Variants in DAB2IP observed in about 807,000 individuals in gnomAD.
DAB2IP encodes the protein disabled homolog 2-interacting protein.
Under a neutral mutation model 107.2 loss-of-function variants are expected in DAB2IP, and 28 were observed. That is an observed-to-expected ratio of 0.26 (90% CI 0.19 to 0.36). The LOEUF (loss-of-function observed/expected upper bound fraction) is 0.36, where lower values mean the gene tolerates loss of function less well. DAB2IP is among the 10% of genes least tolerant of loss of function. The pLI, the probability that DAB2IP is intolerant of heterozygous loss-of-function variation, is 1.00. For synonymous variants in DAB2IP, 755 were observed against 706.4 expected (o/e 1.07, Z -1.09); for missense variants, 1,400 against 1,644.7 (o/e 0.85, Z 2.57).
At chr9:121,571,024 C>T (rs141304152) in intron 1 of DAB2IP, among the ~76,000 whole-genome samples, 12 of 152,162 alleles carry the variant, frequency 7.9e-5, no homozygotes, top group African/African-American at 2.4e-4. Context: ...TTCCCGCCAT[C>T]AGATCTGACC....
At chr9:121,743,509 C>T (rs1225190777) in intron 3 of DAB2IP, among the ~76,000 whole-genome samples, 1 of 151,996 alleles carries the variant, frequency 6.6e-6, no homozygotes, top group African/African-American at 2.4e-5. Flanking sequence ...CCAAGTAGGA[C>T]ACTGGCCCTT....
At chr9:121,573,745 T>G (rs1830001100) in intron 1 of DAB2IP, among the ~76,000 whole-genome samples, 2 of 152,124 alleles carry the variant, frequency 1.3e-5, no homozygotes, top group Non-Finnish European at 1.5e-5. Flanking sequence ...ATTTTCCAGA[T>G]GAGAAAATTG....
At chr9:121,777,554 ACTTG>A (rs1459654599) in intron 14 of DAB2IP, among the ~76,000 whole-genome samples, 1 of 152,218 alleles carries the variant, frequency 6.6e-6, no homozygotes, top group Admixed American at 6.5e-5. Context: ...GAATTCAGAG[ACTTG>A]CTTAACACGT....
intron 6 of DAB2IP, among the ~76,000 whole-genome samples, chr9:121,762,492 T>A (rs1833967874): frequency 6.6e-6 from 1 of 152,176 alleles, no homozygotes; most frequent in African/African-American, 2.4e-5. Context: ...AATGACAGCT[T>A]CCCCTTTGCC....
intron 3 of DAB2IP, among the ~76,000 whole-genome samples, chr9:121,706,626 C>T (rs1830070225): frequency 6.6e-6 from 1 of 152,190 alleles, no homozygotes; most frequent in Admixed American, 6.5e-5. Flanking sequence ...ATTGTACCTG[C>T]CCACCTACCT....
At chr9:121,774,594 G>C (rs1050514998) in intron 13 of DAB2IP, among the ~76,000 whole-genome samples, 182 bp downstream of exon 13, 1 of 152,204 alleles carries the variant, frequency 6.6e-6, no homozygotes, top group Non-Finnish European at 1.5e-5. Context: ...AAAGCAACAA[G>C]AGGGATGGAT....
chr9:121,570,625 T>C (rs115167707), intron 1 of DAB2IP, among the ~76,000 whole-genome samples: 1 of 152,312 alleles, frequency 6.6e-6, no homozygotes, highest in African/African-American at 2.4e-5. Context: ...CACAGCTTAC[T>C]GCAGCTTCGA....
intron 1 of DAB2IP, among the ~76,000 whole-genome samples, chr9:121,645,455 G>A (rs893925083): frequency 2.6e-5 from 4 of 152,188 alleles, no homozygotes; most frequent in Non-Finnish European, 1.5e-5. Flanking sequence ...CCAGGCTCTC[G>A]ACGGAGAGAG....
chr9:121,651,612 G>A lies in DAB2IP; in HGVS notation c.-164G>A. The A allele has an allele frequency of 2.0e-6, 2 of 1,023,914 alleles. No homozygotes were observed. The highest frequency in any genetic ancestry group is 1.7e-5 in the African/African-American group (1 of 58,348). The allele number at this position is 1,023,914 out of a possible 1,614,324, so 63.4% of individuals were successfully genotyped here. On this transcript the variant is annotated 5_prime_UTR_variant, in exon 1 of 16. Coordinates refer to ENST00000408936, the Ensembl canonical transcript of DAB2IP. This position sits in a 1 kb window ranked among gnomAD's most constrained non-coding sequence, Gnocchi z 5.1. ...CTGCTCGGGGAGCGGGAGGGGGCAG[G>A]AGGCGGAGGAGGAGTTTGAGCGACT...
intron 3 of DAB2IP, among the ~76,000 whole-genome samples, chr9:121,706,124 G>A (rs1381458909): frequency 6.6e-6 from 1 of 152,178 alleles, no homozygotes; most frequent in East Asian, 1.9e-4. Context: ...CCCCTTGCAC[G>A]AAGAACCTCT....
chr9:121,577,635 G>C (rs1589371950), intron 1 of DAB2IP, among the ~76,000 whole-genome samples: 1 of 152,108 alleles, frequency 6.6e-6, no homozygotes, highest in African/African-American at 2.4e-5. Context: ...ATGGCTGGGG[G>C]TGGCTGTCCC....
At chr9:121,653,795 A>G (rs1832861519) in intron 1 of DAB2IP, among the ~76,000 whole-genome samples, 1 of 152,046 alleles carries the variant, frequency 6.6e-6, no homozygotes, top group Non-Finnish European at 1.5e-5. Flanking sequence ...AGGGGCTGTC[A>G]CCTGAGCCCC....
At chr9:121,582,125 C>T (rs1830208118) in intron 1 of DAB2IP, among the ~76,000 whole-genome samples, 1 of 152,168 alleles carries the variant, frequency 6.6e-6, no homozygotes, top group African/African-American at 2.4e-5. Context: ...AGCCCGGATT[C>T]AGATAGAAAG....
intron 1 of DAB2IP, among the ~76,000 whole-genome samples, chr9:121,641,389 C>G (rs749330739): frequency 6.6e-6 from 1 of 152,184 alleles, no homozygotes; most frequent in Non-Finnish European, 1.5e-5. Context: ...AGAACCGTGG[C>G]TCTGGCAGTG....
At chr9:121,753,582 C>T (rs1322974771) in intron 3 of DAB2IP, among the ~76,000 whole-genome samples, 1 of 152,218 alleles carries the variant, frequency 6.6e-6, no homozygotes, top group Non-Finnish European at 1.5e-5. Context: ...CCCATCCCAG[C>T]AGGGGGCCTT....
chr9:121,571,423 C>T (rs1829938219), intron 1 of DAB2IP, among the ~76,000 whole-genome samples: 1 of 152,102 alleles, frequency 6.6e-6, no homozygotes, highest in African/African-American at 2.4e-5. Flanking sequence ...GCAGAAGAAA[C>T]AGCAGGTGCA....
At chr9:121,773,114 C>T (rs546443449) in exon 12 of DAB2IP, 9 of 1,612,348 alleles carry the variant, frequency 5.6e-6, no homozygotes, top group African/African-American at 1.3e-5. Context: ...CACACAGCAA[C>T]AGCGAGGAGT....
chr9:121,769,016 T>A (rs1834503214), intron 10 of DAB2IP, among the ~76,000 whole-genome samples: 1 of 152,136 alleles, frequency 6.6e-6, no homozygotes, highest in South Asian at 2.1e-4. Context: ...GTCGAAAACC[T>A]TTCTAGGATT....
intron 1 of DAB2IP, among the ~76,000 whole-genome samples, chr9:121,659,503 G>A (rs1428211327): frequency 3.9e-5 from 6 of 152,194 alleles, no homozygotes; most frequent in Admixed American, 3.9e-4. Flanking sequence ...CCCAAAGTCT[G>A]AGGGGTTGCT....
Sources: allele counts gnomAD v4.1 joint callset (sites outside exome capture counted in the v4.1 genomes callset), GRCh38; gene constraint gnomAD v4.1.1; non-coding constraint Gnocchi (gnomAD v3.1); transcripts MANE v1.5; gene names NCBI Gene and HGNC (gene_info 2026-07-23, HGNC 2026-07-21).